ABRAXAS1: variants seen among roughly 807,000 people sequenced by gnomAD.
The protein encoded by ABRAXAS1 is abraxas 1, BRCA1 A complex subunit, also known as BRCA1-A complex subunit Abraxas 1.
Under a neutral mutation model 38.4 loss-of-function variants are expected in ABRAXAS1, and 26 were observed. The observed-to-expected ratio is 0.68, with a 90% CI of 0.50 to 0.94. The LOEUF is 0.94. Among genes scored for constraint, ABRAXAS1 ranks in the 40% least tolerant of loss-of-function variants. The pLI, the probability that ABRAXAS1 is intolerant of heterozygous loss-of-function variation, is 0.00. For synonymous variants in ABRAXAS1, 144 were observed against 165.5 expected (o/e 0.87, Z 1.00); for missense variants, 438 against 481.9 (o/e 0.91, Z 0.85).
intron 5 of ABRAXAS1, 113 bp downstream of exon 5, chr4:83,470,090 G>A (rs1394489255): frequency 9.7e-6 from 7 of 718,360 alleles, no homozygotes; most frequent in East Asian, 5.8e-5. Context: ...GAAGGTTATC[G>A]TGACAATCTG....
intron 8 of ABRAXAS1, 93 bp downstream of exon 8, chr4:83,463,401 C>G: frequency 1.1e-6 from 1 of 874,590 alleles, no homozygotes; most frequent in Non-Finnish European, 1.7e-6. Context: ...CCTTTGCACT[C>G]CAACCTAGGC....
At chr4:83,478,800 T>C (rs887522859) in intron 2 of ABRAXAS1, 1 of 155,536 alleles carries the variant, frequency 6.4e-6, no homozygotes, top group African/African-American at 2.4e-5. Context: ...ATATATATTA[T>C]AGACCTCGGT....
chr4:83,482,745 C>T (rs1228052048), intron 1 of ABRAXAS1, among the ~76,000 whole-genome samples: 2 of 151,946 alleles, frequency 1.3e-5, no homozygotes, highest in Non-Finnish European at 2.9e-5. Context: ...AGAGATTAGT[C>T]TAGCCTGAAA....
chr4:83,462,904 TA>T lies in ABRAXAS1; in HGVS notation c.797-3del. On this transcript the variant is annotated splice_region_variant and splice_polypyrimidine_tract_variant and intron_variant, in intron 8 of 8. Coordinates refer to ENST00000321945, the MANE Select transcript of ABRAXAS1 (RefSeq NM_139076.3). Reference sequence around the variant, plus strand: ...GGTCTTTTTGGATGTTCTTCTCTCCTAAACAAAATAGAATAACAGTTCAACA... The same window carrying T: ...GGTCTTTTTGGATGTTCTTCTCTCCTAACAAAATAGAATAACAGTTCAACA... 6.5e-7 allele frequency: 1 copy of T among 1,542,994 alleles called. No individual in the cohort carries two copies. The highest frequency in any genetic ancestry group is 1.3e-5 in the South Asian group (1 of 78,638).
intron 3 of ABRAXAS1, among the ~76,000 whole-genome samples, chr4:83,473,438 A>G (rs981718854): frequency 1.3e-5 from 2 of 152,198 alleles, no homozygotes; most frequent in Non-Finnish European, 2.9e-5. Context: ...GATTAGTAAC[A>G]GGATAACTGC....
At chr4:83,484,294 G>A (rs1440594285) in intron 1 of ABRAXAS1, 5 of 772,338 alleles carry the variant, frequency 6.5e-6, no homozygotes, top group Admixed American at 6.3e-5. Flanking sequence ...TATTTCAGAT[G>A]CTTAGACTTT....
intron 3 of ABRAXAS1, among the ~76,000 whole-genome samples, chr4:83,475,673 T>G (rs1199521685): frequency 2.6e-5 from 4 of 152,170 alleles, no homozygotes; most frequent in Admixed American, 2.6e-4. Flanking sequence ...TGCTGATTTT[T>G]CTTGCGTGGT....
At chr4:83,480,879 C>G (rs1437147979) in intron 2 of ABRAXAS1, among the ~76,000 whole-genome samples, 1 of 152,140 alleles carries the variant, frequency 6.6e-6, no homozygotes. Flanking sequence ...GCCTGTCATC[C>G]CAGCACTTTG....
Position 83,460,773 on chromosome 4 carries a change from G to T in ABRAXAS1, c.*1696C>A. ...ACAAAAAAATTATCCGGGTGTGGCG[G>T]TGCATGCCTGTAATTCCAGTTACTA... On this transcript the variant is annotated 3_prime_UTR_variant, in exon 9 of 9. Coordinates refer to ENST00000321945, the MANE Select transcript of ABRAXAS1 (RefSeq NM_139076.3). The T allele has an allele frequency of 3.8e-6, 2 of 532,282 alleles. No individual in the cohort carries two copies. Among genetic ancestry groups the T allele is most frequent in the Non-Finnish European group, 6.8e-6 (2 of 294,888 alleles). 33.0% of individuals were successfully genotyped at this position (532,282 alleles called of 1,614,324 possible). A position where few individuals can be genotyped will look rare whatever the true frequency, so the allele number is the denominator to read the frequency against.
At chr4:83,467,631 G>A (rs1158756256) in intron 6 of ABRAXAS1, 93 bp from the exon 7 acceptor site, 1 of 701,536 alleles carries the variant, frequency 1.4e-6, no homozygotes, top group Non-Finnish European at 2.5e-6. Context: ...CAATAGAAGA[G>A]TCTTTTTACT....
At chr4:83,476,554 C>G in intron 3 of ABRAXAS1, 89 bp downstream of exon 3, 2 of 952,134 alleles carry the variant, frequency 2.1e-6, no homozygotes, top group South Asian at 2.8e-5. Context: ...TAGGTTATAA[C>G]TAAGATAATC....
At chr4:83,477,056 C>T (rs1280136060) in intron 2 of ABRAXAS1, among the ~76,000 whole-genome samples, 1 of 152,170 alleles carries the variant, frequency 6.6e-6, no homozygotes, top group Non-Finnish European at 1.5e-5. Context: ...AATTAATAAA[C>T]TCACCTGTTA....
At chr4:83,470,906 T>G (rs566574020) in intron 4 of ABRAXAS1, among the ~76,000 whole-genome samples, 2 of 152,334 alleles carry the variant, frequency 1.3e-5, no homozygotes, top group Non-Finnish European at 2.9e-5. Context: ...TTAAAGGATT[T>G]TGTAAACTAC....
At position 83,462,750 on chromosome 4, in the gene ABRAXAS1, G is replaced by A; in HGVS notation, c.949C>T (p.Leu317Phe). 1 of 1,613,986 alleles carries A rather than the reference G, an allele frequency of 6.2e-7. No individual in the cohort carries two copies. Among genetic ancestry groups the A allele is most frequent in the Non-Finnish European group, 8.5e-7 (1 of 1,179,980 alleles). Residue 317 changes from leucine (L) to phenylalanine (F), a missense_variant, in exon 9 of 9, where the codon CTC becomes TTC. Around this residue, in one of 3 missense-constraint regions of ABRAXAS1, gnomAD observed 184 missense variants for 181.9 expected, o/e 1.01. Transcript: ENST00000321945. ...SKSSCNYNHH[L>F]DVVDNLTLMV... is the part of the protein sequence containing the mutation. Reference sequence around the variant, plus strand: ...AAGGTCAGATTGTCTACTACATCGAGATGGTGGTTGTAGTTACAGCTACTT... The same window carrying A: ...AAGGTCAGATTGTCTACTACATCGAAATGGTGGTTGTAGTTACAGCTACTT...
Position 83,469,078 on chromosome 4 carries a change from C to CTTA in ABRAXAS1, c.549_550insTAA (p.Ser183_Gly184insTer). 1 of 1,613,862 alleles carries CTTA rather than the reference C, an allele frequency of 6.2e-7. No individual in the cohort carries two copies. The highest frequency in any genetic ancestry group is 8.5e-7 in the Non-Finnish European group (1 of 1,179,998). On this transcript the variant is annotated stop_gained and inframe_insertion, in exon 6 of 9. Coordinates refer to ENST00000321945, the MANE Select transcript of ABRAXAS1 (RefSeq NM_139076.3). LOFTEE classifies it high-confidence loss of function. ...CTAAAACCAGTGGACATACAGGAAC[C>CTTA]TGATACAGTTTTATAACCCAGTTGT...
intron 7 of ABRAXAS1, 21 bp downstream of exon 7, chr4:83,467,432 CG>C (rs1722413567): frequency 4.8e-6 from 6 of 1,255,250 alleles, no homozygotes; most frequent in Non-Finnish European, 7.0e-6. Context: ...AAGTGGTTGA[CG>C]TGTTTGATAT....
intron 2 of ABRAXAS1, among the ~76,000 whole-genome samples, 197 bp downstream of exon 2, chr4:83,481,957 C>T (rs1723012607): frequency 6.6e-6 from 1 of 152,108 alleles, no homozygotes; most frequent in South Asian, 2.1e-4. Flanking sequence ...CCATGTTGGC[C>T]AGGCTGGTCT....
In ABRAXAS1 at chr4:83,461,517, G is replaced by A. The variant is rs1003456050; in HGVS notation, c.*952C>T. 3.0e-6 allele frequency: 1 copy of A among 329,760 alleles called. No individual in the cohort carries two copies. The highest frequency in any genetic ancestry group is 5.7e-6 in the Non-Finnish European group (1 of 174,290). 20.4% of individuals were successfully genotyped at this position (329,760 alleles called of 1,614,324 possible). A position where few individuals can be genotyped will look rare whatever the true frequency, so the allele number is the denominator to read the frequency against. On this transcript the variant is annotated 3_prime_UTR_variant, in exon 9 of 9. Transcript: ENST00000321945. ...TTTTCCAACTAGCAAATATAAGTAT[G>A]CCTGGTTAAGATATCTTCCCTTTGT...
At position 83,463,497 on chromosome 4, in the gene ABRAXAS1, C is replaced by T. The variant is rs2110033955; in HGVS notation, c.793G>A (p.Ala265Thr). The change falls in exon 8 of 9, where the codon GCA becomes ACA. Residue 265 changes from alanine (A) to threonine (T), a missense_variant. Around this residue, in one of 3 missense-constraint regions of ABRAXAS1, gnomAD observed 184 missense variants for 181.9 expected, o/e 1.01. Coordinates refer to ENST00000321945, the MANE Select transcript of ABRAXAS1 (RefSeq NM_139076.3). ...TAGAGATGTGTTGTTTACTTACTTGCTGCCTGAATCTGTGCTCCTCTCCTT... is the reference window on the plus strand; with the variant it reads ...TAGAGATGTGTTGTTTACTTACTTGTTGCCTGAATCTGTGCTCCTCTCCTT... ...EKRRGAQIQA[A>T]REKNIQKDPQ... 2.5e-6 allele frequency: 4 copies of T among 1,589,348 alleles called. No homozygotes were observed. The highest frequency in any genetic ancestry group is 3.4e-6 in the Non-Finnish European group (4 of 1,167,896).
Sources: gnomAD v4.1 joint callset for allele counts (sites outside exome capture counted in the v4.1 genomes callset) on GRCh38, gnomAD v4.1.1 for gene constraint, gnomAD v4.1.1 regional missense constraint, MANE v1.5 for transcripts, NCBI Gene and HGNC (gene_info 2026-07-23, HGNC 2026-07-21) for gene names.